Variants in INO80 observed in about 807,000 individuals in gnomAD.
The protein encoded by INO80 is chromatin-remodeling ATPase INO80.
INO80 carries 20 observed loss-of-function variants against 203.4 expected under a neutral mutation model. The ratio of observed to expected loss-of-function variants is 0.10; its 90% confidence interval spans 0.07 to 0.14. The LOEUF (loss-of-function observed/expected upper bound fraction) is 0.14. Ranked by LOEUF, INO80 falls within the 10% of genes least tolerant of loss-of-function variation. INO80 has a pLI of 1.00. For synonymous variants in INO80, 726 were observed against 685.2 expected, an observed-to-expected ratio of 1.06 and a Z score of -0.93; for missense variants, 1,419 against 1,914.4, an observed-to-expected ratio of 0.74 and a Z score of 4.83.
Position 41,095,681 on chromosome 15 carries a change from A to G in INO80, c.314-13T>C, listed in dbSNP as rs769871216. On this transcript the variant is annotated splice_polypyrimidine_tract_variant and intron_variant, in intron 3 of 35. Coordinates refer to ENST00000648947, the MANE Select transcript of INO80 (RefSeq NM_017553.3). ...TCACATTTTGATTCTGTATAAAGAA[A>G]CACAAAGAATAAAAAAATTAAAGGA... 6.2e-7 allele frequency: 1 copy of G among 1,607,786 alleles called. No individual in the cohort carries two copies. The highest frequency in any genetic ancestry group is 1.7e-5 in the Admixed American group (1 of 59,736).
Position 41,095,733 on chromosome 15 carries a change from A to T in INO80, c.313+26T>A, listed in dbSNP as rs763021734. On this transcript the variant is annotated intron_variant, in intron 3 of 35. Transcript: ENST00000648947. ...GACTGCCCCAAGATAACGATAGTCC[A>T]AAGGGGGATGTCACACCACACTGAC... 5.6e-6 allele frequency: 9 copies of T among 1,613,088 alleles called. No individual in the cohort carries two copies. The South Asian group carries it at 9.9e-5, about 18-fold the overall frequency.
intron 31 of INO80, among the ~76,000 whole-genome samples, chr15:40,986,775 G>GCTA (rs2043741009): frequency 6.6e-6 from 1 of 151,984 alleles, no homozygotes; most frequent in Non-Finnish European, 1.5e-5. Context: ...ACAGGTGCCC[G>GCTA]CTACCATGCC....
At chr15:41,002,282 T>G (rs2043968999) in intron 28 of INO80, among the ~76,000 whole-genome samples, 2 of 152,224 alleles carry the variant, frequency 1.3e-5, no homozygotes, top group South Asian at 4.1e-4. Context: ...TTTTACTAAG[T>G]AGAGCCAAGT....
intron 29 of INO80, among the ~76,000 whole-genome samples, 170 bp from the exon 30 acceptor site, chr15:40,988,144 C>T (rs2043764895): frequency 6.6e-6 from 1 of 152,226 alleles, no homozygotes; most frequent in South Asian, 2.1e-4. Context: ...CGTTCCTTCA[C>T]ATGCCCTGAG....
At chr15:41,076,322 T>C (rs980092560) in intron 9 of INO80, among the ~76,000 whole-genome samples, 1 of 152,078 alleles carries the variant, frequency 6.6e-6, no homozygotes, top group African/African-American at 2.4e-5. Context: ...GTCACGCCAC[T>C]GCACTTCAGA....
In INO80 at chr15:41,079,684, T is replaced by C. The variant is rs372130249; in HGVS notation, c.1131+17A>G. On this transcript the variant is annotated intron_variant, in intron 9 of 35. Coordinates refer to ENST00000648947, the MANE Select transcript of INO80 (RefSeq NM_017553.3). ...TGTAGTAATTAGGGTTTTCAAAATGTTATGCTTTTGCCCTACCTCCCGCAT... is the reference window on the plus strand; with the variant it reads ...TGTAGTAATTAGGGTTTTCAAAATGCTATGCTTTTGCCCTACCTCCCGCAT... 312 of 1,612,442 alleles carry C rather than the reference T, an allele frequency of 1.9e-4. No homozygotes were observed. Among genetic ancestry groups the C allele is most frequent in the Non-Finnish European group, 2.5e-4 (297 of 1,178,640 alleles).
chr15:41,110,093 CAAA>C (rs544086962), intron 1 of INO80, among the ~76,000 whole-genome samples: 1 of 125,992 alleles, frequency 7.9e-6, no homozygotes. Flanking sequence ...AACTCCGTCT[CAAA>C]AAAAAAAAAA....
chr15:41,101,948 T>G (rs932805732), intron 1 of INO80, among the ~76,000 whole-genome samples: 3 of 151,840 alleles, frequency 2.0e-5, no homozygotes, highest in African/African-American at 7.3e-5. Context: ...TCCCAGCACT[T>G]TGGGAGGCTG....
chr15:41,085,710 C>T (rs1032020833), intron 6 of INO80, 127 bp from the exon 7 acceptor site: 10 of 658,446 alleles, frequency 1.5e-5, no homozygotes, highest in Admixed American at 1.4e-4. Flanking sequence ...ATCCCTTTAT[C>T]TACTCAGACC....
chr15:41,012,687 A>T (rs2044149951), intron 27 of INO80, among the ~76,000 whole-genome samples: 1 of 151,414 alleles, frequency 6.6e-6, no homozygotes, highest in Non-Finnish European at 1.5e-5. Flanking sequence ...CAAACTAAAA[A>T]CTCCTGGCTT....
chr15:40,993,689 G>A (rs1401061620), intron 29 of INO80, among the ~76,000 whole-genome samples: 1 of 152,088 alleles, frequency 6.6e-6, no homozygotes, highest in Non-Finnish European at 1.5e-5. Flanking sequence ...AACCTGAGAG[G>A]TGGAGGTTGA....
intron 7 of INO80, among the ~76,000 whole-genome samples, chr15:41,082,870 C>A (rs558210664): frequency 6.6e-6 from 1 of 151,930 alleles, no homozygotes; most frequent in Non-Finnish European, 1.5e-5. Context: ...GGCAACAGAA[C>A]AAGACCCTAT....
At chr15:41,080,952 T>C in intron 8 of INO80, 68 bp downstream of exon 8, 8 of 990,028 alleles carry the variant, frequency 8.1e-6, no homozygotes, top group South Asian at 5.2e-5. Context: ...AGCAGCAAGA[T>C]GGACCCCAAA....
intron 23 of INO80, among the ~76,000 whole-genome samples, chr15:41,045,581 C>CAAAAA (rs61411603): frequency 2.1e-4 from 27 of 129,340 alleles, no homozygotes; most frequent in African/African-American, 5.8e-4. Context: ...GACTCTGTCT[C>CAAAAA]AAAAAAAAAA....
intron 31 of INO80, among the ~76,000 whole-genome samples, 193 bp from the exon 32 acceptor site, chr15:40,985,619 T>C (rs893930322): frequency 9.2e-5 from 14 of 152,114 alleles, no homozygotes; most frequent in African/African-American, 3.1e-4. Flanking sequence ...ATTTTAAGCA[T>C]TATGGGCTGG....
At chr15:41,048,670 T>G (rs1228117729) in intron 21 of INO80, among the ~76,000 whole-genome samples, 1 of 152,214 alleles carries the variant, frequency 6.6e-6, no homozygotes, top group Non-Finnish European at 1.5e-5. Flanking sequence ...TCAGTTTCAT[T>G]AAACTAAATA....
chr15:41,101,427 C>T (rs1004365453), intron 1 of INO80, among the ~76,000 whole-genome samples: 1 of 152,178 alleles, frequency 6.6e-6, no homozygotes, highest in East Asian at 1.9e-4. Flanking sequence ...AGTCATTCCC[C>T]GCTCATCTTG....
rs773280601 is a variant in INO80 at position 40,987,876 on chromosome 15, C to T, written c.3669G>A (p.Arg1223=). 2.5e-6 allele frequency: 4 copies of T among 1,614,184 alleles called. No homozygotes were observed. Among genetic ancestry groups the T allele is most frequent in the Non-Finnish European group, 3.4e-6 (4 of 1,180,016 alleles). ...LGQTKQVTVY[R]LICKGTIEER... is the part of the protein sequence containing the mutation. ...CTTCAATGGTGCCTTTACAGATGAGCCGGTACACAGTAACCTGCTTTGTCT... is the reference window on the plus strand; with the variant it reads ...CTTCAATGGTGCCTTTACAGATGAGTCGGTACACAGTAACCTGCTTTGTCT... The change falls in exon 30 of 36, where the codon CGG becomes CGA. Residue 1223 remains arginine, a synonymous_variant. Transcript: ENST00000648947.
At chr15:41,107,962 T>A (rs1222785800) in intron 1 of INO80, among the ~76,000 whole-genome samples, 2 of 151,954 alleles carry the variant, frequency 1.3e-5, no homozygotes, top group Non-Finnish European at 2.9e-5. Context: ...TAGCCGGGCA[T>A]GGTGGTGCAT....
Sources: gnomAD v4.1 joint callset for allele counts (sites outside exome capture counted in the v4.1 genomes callset) on GRCh38, gnomAD v4.1.1 for gene constraint, MANE v1.5 for transcripts, NCBI Gene and HGNC (gene_info 2026-07-23, HGNC 2026-07-21) for gene names.